Variants in GABRB1 observed in about 807,000 individuals in gnomAD.
The protein encoded by GABRB1 is gamma-aminobutyric acid receptor subunit beta-1.
A neutral mutation model predicts 51.6 loss-of-function variants in GABRB1; 17 were observed. The ratio of observed to expected loss-of-function variants is 0.33; its 90% CI spans 0.23 to 0.49. The LOEUF (loss-of-function observed/expected upper bound fraction) is 0.49, where lower values mean the gene tolerates loss of function less well. Among genes scored for constraint, GABRB1 ranks in the 20% least tolerant of loss-of-function variants. The pLI is 0.99. For missense variants in GABRB1, 410 were observed against 600.6 expected, an observed-to-expected ratio of 0.68 and a Z score of 3.32; for synonymous variants, 247 against 218.9, an observed-to-expected ratio of 1.13 and a Z score of -1.14.
intron 3 of GABRB1, among the ~76,000 whole-genome samples, chr4:47,094,768 A>G (rs182387774): frequency 1.3e-5 from 2 of 152,186 alleles, no homozygotes; most frequent in Admixed American, 6.5e-5. Context: ...AAGGTAAAAA[A>G]AAAAAAAAGA....
intron 4 of GABRB1, among the ~76,000 whole-genome samples, chr4:47,256,231 T>C (rs1429463274): frequency 6.6e-6 from 1 of 152,242 alleles, no homozygotes; most frequent in Non-Finnish European, 1.5e-5. Flanking sequence ...TAAGGACTCA[T>C]GGTCTGTAAT....
chr4:47,226,082 A>G (rs1361866063), intron 4 of GABRB1, among the ~76,000 whole-genome samples: 2 of 152,134 alleles, frequency 1.3e-5, no homozygotes, highest in Non-Finnish European at 2.9e-5. Context: ...GCTATTAAAC[A>G]TAGTTCTAGG....
intron 3 of GABRB1, among the ~76,000 whole-genome samples, chr4:47,057,048 T>C (rs1726642258): frequency 6.6e-6 from 1 of 152,128 alleles, no homozygotes; most frequent in Admixed American, 6.5e-5. Context: ...GAGGTTGCAG[T>C]GAGCCGAGAT....
intron 5 of GABRB1, among the ~76,000 whole-genome samples, chr4:47,395,413 A>G (rs1245826442): frequency 1.3e-5 from 2 of 152,154 alleles, no homozygotes. Flanking sequence ...ATTCGCTAAC[A>G]CGAGAACAGC....
rs2109465530 is a variant in GABRB1 at position 47,031,717 on chromosome 4, C to G, written c.66C>G (p.Val22=). The G allele has an allele frequency of 6.2e-7, 1 of 1,613,396 alleles. No individual in the cohort carries two copies. The highest frequency in any genetic ancestry group is 1.3e-5 in the African/African-American group (1 of 75,010). ...LLSFPVMITM[V]CCAHSTNEPS... ...CTTTCCCTGTGATGATTACCATGGT[C>G]TGTTGTGCACACAGGTGAGCTGCTG... The change falls in exon 1 of 9, where the codon GTC becomes GTG. Residue 22 remains valine (V), a synonymous_variant. Coordinates refer to ENST00000295454, the MANE Select transcript of GABRB1 (RefSeq NM_000812.4).
chr4:47,407,636 CA>C (rs1195413669), intron 8 of GABRB1, among the ~76,000 whole-genome samples: 7 of 152,158 alleles, frequency 4.6e-5, no homozygotes, highest in Non-Finnish European at 8.8e-5. Context: ...AAATTGTTTT[CA>C]AGATAGCACA....
At chr4:47,100,627 C>T (rs1305285365) in intron 3 of GABRB1, among the ~76,000 whole-genome samples, 1 of 151,894 alleles carries the variant, frequency 6.6e-6, no homozygotes, top group Admixed American at 6.6e-5. Context: ...AATTTTAAAT[C>T]AGCTTTGCAC....
chr4:47,277,633 C>T (rs992579725), intron 4 of GABRB1, among the ~76,000 whole-genome samples: 13 of 151,762 alleles, frequency 8.6e-5, no homozygotes, highest in African/African-American at 2.7e-4. Context: ...ATGTATATGC[C>T]TACTATGTGC....
chr4:47,029,175 T>A (rs868781205), upstream of GABRB1, among the ~76,000 whole-genome samples: 8 of 152,052 alleles, frequency 5.3e-5, no homozygotes, highest in South Asian at 2.1e-4. Flanking sequence ...CATGAGTTTA[T>A]CACTAGGGTA....
At chr4:47,140,607 C>T (rs747064702) in intron 3 of GABRB1, among the ~76,000 whole-genome samples, 3 of 151,900 alleles carry the variant, frequency 2.0e-5, no homozygotes, top group Non-Finnish European at 2.9e-5. Context: ...TCACACAAAC[C>T]GTGAGCTACT....
chr4:47,213,085 G>T (rs1175928453), intron 4 of GABRB1, among the ~76,000 whole-genome samples: 5 of 152,006 alleles, frequency 3.3e-5, no homozygotes, highest in Non-Finnish European at 2.9e-5. Context: ...TATTACTTCT[G>T]GAATATATCA....
At chr4:47,223,310 G>C (rs1720833876) in intron 4 of GABRB1, among the ~76,000 whole-genome samples, 1 of 151,974 alleles carries the variant, frequency 6.6e-6, no homozygotes, top group South Asian at 2.1e-4. Context: ...TTTGTTATGG[G>C]AGTGTGTATG....
At chr4:47,181,007 T>C (rs1718921233) in intron 4 of GABRB1, among the ~76,000 whole-genome samples, 1 of 151,956 alleles carries the variant, frequency 6.6e-6, no homozygotes, top group African/African-American at 2.4e-5. Flanking sequence ...CTTTGGGTGA[T>C]TTTTTTAAAA....
chr4:47,115,597 T>C (rs1465653499), intron 3 of GABRB1, among the ~76,000 whole-genome samples: 2 of 152,134 alleles, frequency 1.3e-5, no homozygotes, highest in Admixed American at 6.5e-5. Flanking sequence ...TCTGGTGTTA[T>C]GTTCTAGGAA....
At chr4:47,175,923 G>A (rs1718676094) in intron 4 of GABRB1, among the ~76,000 whole-genome samples, 1 of 152,032 alleles carries the variant, frequency 6.6e-6, no homozygotes, top group East Asian at 1.9e-4. Context: ...TTACACTGAA[G>A]GTGATTATTG....
At chr4:47,290,302 C>A (rs1723675208) in intron 4 of GABRB1, among the ~76,000 whole-genome samples, 1 of 152,164 alleles carries the variant, frequency 6.6e-6, no homozygotes, top group African/African-American at 2.4e-5. Context: ...AGTTTTCCTG[C>A]ACAAGCTCTC....
intron 1 of GABRB1, among the ~76,000 whole-genome samples, chr4:47,019,348 C>T (rs1724840681): frequency 6.6e-6 from 1 of 152,060 alleles, no homozygotes; most frequent in East Asian, 1.9e-4. Context: ...GTTTGAAAAC[C>T]CCAGCATACC....
At chr4:47,281,828 A>G (rs898308602) in intron 4 of GABRB1, among the ~76,000 whole-genome samples, 1 of 152,228 alleles carries the variant, frequency 6.6e-6, no homozygotes, top group South Asian at 2.1e-4. Context: ...TGTGGATTTT[A>G]AAAAATCAAT....
intron 3 of GABRB1, among the ~76,000 whole-genome samples, chr4:47,136,923 G>A (rs189426829): frequency 1.3e-5 from 2 of 152,078 alleles, no homozygotes; most frequent in African/African-American, 4.8e-5. Flanking sequence ...CAGTGTAGAA[G>A]GCAAAGTTTT....
Sources: gnomAD v4.1 joint callset for allele counts (sites outside exome capture counted in the v4.1 genomes callset) on GRCh38, gnomAD v4.1.1 for gene constraint, MANE v1.5 for transcripts, NCBI Gene and HGNC (gene_info 2026-07-23, HGNC 2026-07-21) for gene names.